TYMS: variants seen among roughly 807,000 people sequenced by gnomAD.
TYMS encodes the protein thymidylate synthetase.
Under a neutral mutation model 39.3 loss-of-function variants are expected in TYMS, and 21 were observed. That is an observed-to-expected ratio of 0.54 (90% CI 0.38 to 0.77). The LOEUF (loss-of-function observed/expected upper bound fraction) is 0.77. TYMS is among the 30% of genes least tolerant of loss of function. The pLI, the probability that TYMS is intolerant of heterozygous loss-of-function variation, is 0.00. For missense variants in TYMS, 273 were observed against 406.7 expected (o/e 0.67, Z 2.83); for synonymous variants, 171 against 162.2 (o/e 1.05, Z -0.41).
intron 3 of TYMS, among the ~76,000 whole-genome samples, chr18:664,889 G>C (rs2144280604): frequency 7.1e-6 from 1 of 141,758 alleles, no homozygotes; most frequent in African/African-American, 2.8e-5. Context: ...TGGTGGATAA[G>C]CTTTTTGATG....
At chr18:670,036 T>C (rs1481859651) in intron 4 of TYMS, among the ~76,000 whole-genome samples, 2 of 138,500 alleles carry the variant, frequency 1.4e-5, no homozygotes, top group African/African-American at 5.7e-5. Flanking sequence ...GCATCTGTAA[T>C]AGAGACTTAT....
At chr18:668,968 G>C (rs1290021298) in intron 3 of TYMS, 104 bp from the exon 4 acceptor site, 4 of 931,940 alleles carry the variant, frequency 4.3e-6, no homozygotes, top group Middle Eastern at 2.2e-4. Flanking sequence ...CATGGGTCAA[G>C]GGGGGACCCT....
At chr18:672,664 C>T in intron 6 of TYMS, 196 bp from the exon 7 acceptor site, 5 of 464,772 alleles carry the variant, frequency 1.1e-5, no homozygotes, top group Non-Finnish European at 1.9e-5. Context: ...ATACCCCTCA[C>T]TCTCGATCTG....
intron 3 of TYMS, among the ~76,000 whole-genome samples, chr18:662,629 G>A (rs2074768759): frequency 6.6e-6 from 1 of 150,564 alleles, no homozygotes; most frequent in South Asian, 2.1e-4. Flanking sequence ...TCATGATCTA[G>A]CATCAGGTAT....
chr18:671,323 G>T, intron 5 of TYMS, 57 bp from the exon 6 acceptor site: 1 of 1,111,962 alleles, frequency 9.0e-7, no homozygotes, highest in Non-Finnish European at 1.4e-6. Context: ...GTTTTTAAAT[G>T]ATGTTTTAAA....
chr18:672,517 T>C (rs982651670), intron 6 of TYMS: 2 of 173,532 alleles, frequency 1.2e-5, no homozygotes, highest in Non-Finnish European at 2.5e-5. Flanking sequence ...TTAGGGATTG[T>C]GGAATTCAAG....
chr18:671,102 G>C (rs2075023510), intron 5 of TYMS: 2 of 626,080 alleles, frequency 3.2e-6, no homozygotes, highest in East Asian at 5.5e-5. Flanking sequence ...AGCTTCTATG[G>C]ATTTTCTCAA....
At chr18:665,274 C>A (rs2074798541) in intron 3 of TYMS, among the ~76,000 whole-genome samples, 1 of 150,754 alleles carries the variant, frequency 6.6e-6, no homozygotes, top group African/African-American at 2.4e-5. Flanking sequence ...GGAATTTATC[C>A]ATTTCTTCTA....
Position 658,678 on chromosome 18 carries a change from G to A in TYMS, c.205+731G>A, listed in dbSNP as rs957648363. 5.9e-5 allele frequency: 16 copies of A among 272,278 alleles called. No individual in the cohort carries two copies. The highest frequency in any genetic ancestry group is 2.1e-5 in the Non-Finnish European group (3 of 140,356). The allele number at this position is 272,278 out of a possible 1,614,324, so 16.9% of individuals were successfully genotyped here. On this transcript the variant is annotated intron_variant, in intron 1 of 6. Transcript: ENST00000323274. The surrounding 1 kb of genome is among the most constrained non-coding windows in gnomAD (Gnocchi z 4.5). ...GGCACAGGACGTTAGGCAGCCGTTG[G>A]CCCTCCCTAAGGCCACACCGTCCTG...
chr18:666,375 G>A (rs1318581318), intron 3 of TYMS, among the ~76,000 whole-genome samples: 1 of 152,078 alleles, frequency 6.6e-6, no homozygotes. Flanking sequence ...CGCAGTGCCA[G>A]GGTCACACTC....
chr18:658,362 C>A lies in TYMS; in HGVS notation c.205+415C>A. 1 of 1,289,708 alleles carries A rather than the reference C, an allele frequency of 7.8e-7. No individual in the cohort carries two copies. The highest frequency in any genetic ancestry group is 1.0e-6 in the Non-Finnish European group (1 of 989,720). 79.9% of individuals were successfully genotyped at this position (1,289,708 alleles called of 1,614,324 possible). Reference sequence around the variant, plus strand: ...CTCCGTTTTCCCCTGTGGACCATTCCGCTTCGCAGCGTTTTCAAAAACTGG... The same window carrying A: ...CTCCGTTTTCCCCTGTGGACCATTCAGCTTCGCAGCGTTTTCAAAAACTGG... On this transcript the variant is annotated intron_variant, in intron 1 of 6. Coordinates refer to ENST00000323274, the MANE Select transcript of TYMS (RefSeq NM_001071.4). This position sits in a 1 kb window ranked among gnomAD's most constrained non-coding sequence, Gnocchi z 4.5.
Position 658,736 on chromosome 18 carries a change from AG to A in TYMS, c.205+793del, listed in dbSNP as rs1357821849. 2 of 211,744 alleles carry A rather than the reference AG, an allele frequency of 9.4e-6. No individual in the cohort carries two copies. Among genetic ancestry groups the A allele is most frequent in the East Asian group, 1.7e-4 (1 of 5,732 alleles). The allele number at this position is 211,744 out of a possible 1,614,324, so 13.1% of individuals were successfully genotyped here. ...GGATCCTGCGCCAGCTGCGCGGGGG[AG>A]GGGACTCGAAGGTGTGTGAGCCAGG... On this transcript the variant is annotated intron_variant, in intron 1 of 6. Transcript: ENST00000323274. This position sits in a 1 kb window ranked among gnomAD's most constrained non-coding sequence, Gnocchi z 4.5.
At chr18:671,018 AC>A in intron 5 of TYMS, 151 bp downstream of exon 5, 1 of 966,828 alleles carries the variant, frequency 1.0e-6, no homozygotes, top group Admixed American at 2.8e-5. Flanking sequence ...TTACTTTGAA[AC>A]CTTCCTCTTC....
chr18:667,328 TGATGGA>T (rs1250375821), intron 3 of TYMS, among the ~76,000 whole-genome samples: 14 of 29,140 alleles, frequency 4.8e-4, no homozygotes, highest in Non-Finnish European at 7.5e-4. Context: ...ATGGTGATGG[TGATGGA>T]GATGGTGATG....
chr18:669,635 CA>C (rs1446979251), intron 4 of TYMS, among the ~76,000 whole-genome samples: 4 of 151,968 alleles, frequency 2.6e-5, no homozygotes, highest in Non-Finnish European at 4.4e-5. Context: ...GCCTCCCAAC[CA>C]GATGATCTTA....
intron 6 of TYMS, 94 bp from the exon 7 acceptor site, chr18:672,766 T>C: frequency 7.3e-7 from 1 of 1,370,488 alleles, no homozygotes; most frequent in Non-Finnish European, 9.9e-7. Flanking sequence ...AGAACTTTGT[T>C]GATCACATCC....
chr18:665,411 C>CT (rs1283092446), intron 3 of TYMS, among the ~76,000 whole-genome samples: 283 of 151,402 alleles, frequency 1.9e-3, no homozygotes, highest in African/African-American at 6.6e-3. Context: ...TTCTCTTTTT[C>CT]TTTATTAGTC....
In TYMS at chr18:670,780, A is replaced by T; in HGVS notation, c.645A>T (p.Arg215Ser). 6.2e-7 allele frequency: 1 copy of T among 1,614,000 alleles called. No homozygotes were observed. Among genetic ancestry groups the T allele is most frequent in the Non-Finnish European group, 8.5e-7 (1 of 1,180,010 alleles). The change falls in exon 5 of 7, where the codon AGA (arginine) becomes AGT (serine). Residue 215 changes from arginine (R) to serine (S), a missense_variant. By Grantham distance (110) the Arg-to-Ser change is moderately radical. Transcript: ENST00000323274. ...AGCTGTCCTGCCAGCTGTACCAGAGATCGGGAGACATGGGCCTCGGTGTGC... is the reference window on the plus strand; with the variant it reads ...AGCTGTCCTGCCAGCTGTACCAGAGTTCGGGAGACATGGGCCTCGGTGTGC... ...NSELSCQLYQRSGDMGLGVPF... is the reference protein window; with the variant it reads ...NSELSCQLYQSSGDMGLGVPF...
chr18:658,087 C>G lies in TYMS; in HGVS notation c.205+140C>G, dbSNP rs560976325. ...GCGAGGGAGGGGACGCATCGTCCTC[C>G]TCGCCTTACAGACGCCGAAACGGAG... On this transcript the variant is annotated intron_variant, in intron 1 of 6. Coordinates refer to ENST00000323274, the MANE Select transcript of TYMS (RefSeq NM_001071.4). The surrounding 1 kb of genome is among the most constrained non-coding windows in gnomAD (Gnocchi z 4.5). 2 of 1,580,640 alleles carry G rather than the reference C, an allele frequency of 1.3e-6. No individual in the cohort carries two copies. Among genetic ancestry groups the G allele is most frequent in the South Asian group, 1.2e-5 (1 of 86,372 alleles).
Sources: gnomAD v4.1 joint callset for allele counts (sites outside exome capture counted in the v4.1 genomes callset) on GRCh38, gnomAD v4.1.1 for gene constraint, Gnocchi (gnomAD v3.1) non-coding constraint, MANE v1.5 for transcripts, NCBI Gene and HGNC (gene_info 2026-07-23, HGNC 2026-07-21) for gene names.